Variants in DDX4 observed in about 807,000 individuals in gnomAD.
DDX4 encodes the protein probable ATP-dependent RNA helicase DDX4.
Under a neutral mutation model 100.0 loss-of-function variants are expected in DDX4, and 25 were observed. The ratio of observed to expected loss-of-function variants is 0.25; its 90% CI spans 0.18 to 0.35. The LOEUF is 0.35. Ranked by LOEUF, DDX4 falls within the 10% of genes least tolerant of loss-of-function variation. DDX4 has a pLI of 1.00. For missense variants in DDX4, 635 were observed against 882.4 expected (o/e 0.72, Z 3.55); for synonymous variants, 259 against 275.7 (o/e 0.94, Z 0.60).
chr5:55,741,327 A>T (rs1758970793), intron 2 of DDX4, among the ~76,000 whole-genome samples: 2 of 152,232 alleles, frequency 1.3e-5, no homozygotes, highest in Admixed American at 6.5e-5. Flanking sequence ...AGTCTACCTT[A>T]TGATGCTTAA....
intron 3 of DDX4, among the ~76,000 whole-genome samples, chr5:55,748,666 T>G (rs1407563399): frequency 6.6e-6 from 1 of 152,096 alleles, no homozygotes; most frequent in African/African-American, 2.4e-5. Context: ...ATTTTCTTAT[T>G]AGAGAAATAT....
intron 10 of DDX4, among the ~76,000 whole-genome samples, chr5:55,782,977 T>G (rs538845154): frequency 6.6e-6 from 1 of 151,988 alleles, no homozygotes; most frequent in South Asian, 2.1e-4. Flanking sequence ...GTATTTTTAG[T>G]AGAGATGGGG....
rs139761339 is a variant in DDX4, at chr5:55,748,444, T to C, written c.127+2223T>C. ...TATAGTATATTAACGCATAACACTG[T>C]TTTGTATTGGAATTTTCAAGAAACT... On this transcript the variant is annotated intron_variant, in intron 3 of 21. Coordinates refer to ENST00000505374, the MANE Select transcript of DDX4 (RefSeq NM_024415.3). 2.2e-3 allele frequency among the ~76,000 whole-genome samples: 330 copies of C among 152,222 alleles called. 1 individual carries two copies. The highest frequency in any genetic ancestry group is 6.0e-3 in the African/African-American group (249 of 41,544).
In DDX4 at chr5:55,792,774, T is replaced by C. The variant is rs1415419829; in HGVS notation, c.1436T>C (p.Met479Thr). The C allele has an allele frequency of 6.7e-7, 1 of 1,491,450 alleles. No homozygotes were observed. Among genetic ancestry groups the C allele is most frequent in the South Asian group, 1.6e-5 (1 of 63,660 alleles). The allele number at this position is 1,491,450 out of a possible 1,614,324, so 92.4% of individuals were successfully genotyped here. ...MPSKEQRQTL[M>T]FSATFPEEIQ... ...TCAAAGGAACAGCGCCAAACCCTTA[T>C]GTTCAGTGCAACTTTTCCAGAGGAA... is the stretch of plus-strand genomic sequence containing the variant. The change falls in exon 17 of 22, where the codon ATG becomes ACG. Residue 479 changes from methionine (M) to threonine (T), a missense_variant. Met to Thr is a moderately conservative substitution (Grantham distance 81, BLOSUM62 -1). Transcript: ENST00000505374.
intron 7 of DDX4, among the ~76,000 whole-genome samples, chr5:55,771,363 T>C (rs1741244151): frequency 6.6e-6 from 1 of 152,212 alleles, no homozygotes; most frequent in Non-Finnish European, 1.5e-5. Flanking sequence ...TAATTTCGTC[T>C]ATTTTTATAC....
At chr5:55,797,413 A>G (rs1465516449) in intron 17 of DDX4, among the ~76,000 whole-genome samples, 3 of 152,320 alleles carry the variant, frequency 2.0e-5, no homozygotes, top group Middle Eastern at 3.4e-3. Context: ...TAGTGAATGA[A>G]AAGGGTGATG....
At chr5:55,757,800 A>G (rs1405564981) in intron 3 of DDX4, among the ~76,000 whole-genome samples, 1 of 152,044 alleles carries the variant, frequency 6.6e-6, no homozygotes. Flanking sequence ...TCCCAGCACT[A>G]TGGGAGGCTG....
rs182747508 is a variant in DDX4 at position 55,790,425 on chromosome 5, C to T, written c.1173-151C>T. On this transcript the variant is annotated intron_variant, in intron 15 of 21. Transcript: ENST00000505374. ...CCTCCCAAAGTGCTGGGATTACAGG[C>T]GTGAGCCACTGCACCCAGCCAGAAT... is the stretch of plus-strand genomic sequence containing the variant. The T allele has an allele frequency of 8.0e-5, 48 of 597,988 alleles. No homozygotes were observed. The East Asian group carries it at 8.9e-4, about 11-fold the overall frequency. The allele number at this position is 597,988 out of a possible 1,614,324, so 37.0% of individuals were successfully genotyped here. A position where few individuals can be genotyped will look rare whatever the true frequency, so the allele number is the denominator to read the frequency against.
chr5:55,800,379 A>G (rs1447757074), intron 18 of DDX4, among the ~76,000 whole-genome samples: 2 of 149,780 alleles, frequency 1.3e-5, no homozygotes, highest in Non-Finnish European at 2.9e-5. Flanking sequence ...GCTGGAGTAC[A>G]GTGGCACAAT....
chr5:55,760,326 A>G, intron 4 of DDX4, 49 bp downstream of exon 4: 7 of 1,500,036 alleles, frequency 4.7e-6, no homozygotes, highest in Non-Finnish European at 5.3e-6. Flanking sequence ...GAATAATTGG[A>G]TATATAGAGG....
intron 18 of DDX4, among the ~76,000 whole-genome samples, chr5:55,807,461 C>T (rs1210527365): frequency 1.3e-4 from 20 of 152,190 alleles, no homozygotes; most frequent in Admixed American, 3.3e-4. Context: ...TGGCTGGTAC[C>T]GGTTATTCCT....
Position 55,738,112 on chromosome 5 carries a change from C to T in DDX4, c.-15+11C>T, listed in dbSNP as rs975043800. On this transcript the variant is annotated intron_variant, in intron 1 of 21. Coordinates refer to ENST00000505374, the MANE Select transcript of DDX4 (RefSeq NM_024415.3). ...GCAAGCCGCGGAGAGGTGAGTGGGC[C>T]GCTTTTCTACGGGAACTGGCCTGAA... The T allele has an allele frequency of 2.6e-5, 4 of 152,304 alleles. No individual in the cohort carries two copies. The highest frequency in any genetic ancestry group is 2.1e-4 in the South Asian group (1 of 4,830). The allele number at this position is 152,304 out of a possible 1,614,324, so 9.4% of individuals were successfully genotyped here. A position where few individuals can be genotyped will look rare whatever the true frequency, so the allele number is the denominator to read the frequency against.
At chr5:55,792,851 A>T (rs1742665748) in intron 17 of DDX4, 44 bp downstream of exon 17, 4 of 1,117,984 alleles carry the variant, frequency 3.6e-6, no homozygotes, top group Non-Finnish European at 4.6e-6. Context: ...ATATATATAC[A>T]TACTTTTATC....
chr5:55,787,774 A>C (rs1358427306), intron 14 of DDX4, 72 bp from the exon 15 acceptor site: 15 of 1,520,306 alleles, frequency 9.9e-6, no homozygotes, highest in Non-Finnish European at 1.3e-5. Context: ...CTATAAGGAC[A>C]TGAGGATTAG....
intron 17 of DDX4, among the ~76,000 whole-genome samples, chr5:55,796,833 T>TC (rs1742987807): frequency 2.0e-5 from 1 of 48,820 alleles, no homozygotes; most frequent in South Asian, 6.6e-4. Flanking sequence ...CTTTTTTTTT[T>TC]TTTTTTTTTT....
intron 2 of DDX4, among the ~76,000 whole-genome samples, chr5:55,742,902 G>A (rs1759057678): frequency 6.6e-6 from 1 of 152,154 alleles, no homozygotes; most frequent in Non-Finnish European, 1.5e-5. Flanking sequence ...GGTGGATTTA[G>A]TTGGAGAGGG....
chr5:55,747,147 C>G (rs1759287686), intron 3 of DDX4, among the ~76,000 whole-genome samples: 1 of 152,132 alleles, frequency 6.6e-6, no homozygotes, highest in Admixed American at 6.6e-5. Context: ...CTCTGGGAGG[C>G]TGAGGCAGGT....
At chr5:55,747,478 T>A (rs902105096) in intron 3 of DDX4, among the ~76,000 whole-genome samples, 3 of 152,184 alleles carry the variant, frequency 2.0e-5, no homozygotes, top group Admixed American at 1.3e-4. Context: ...GCCCAGGAGT[T>A]CAAGGCTACA....
intron 3 of DDX4, among the ~76,000 whole-genome samples, chr5:55,751,268 C>T (rs901876039): frequency 6.6e-6 from 1 of 152,158 alleles, no homozygotes; most frequent in Non-Finnish European, 1.5e-5. Flanking sequence ...GGGCCTTGCT[C>T]TGTTGTCCAG....
Sources: allele counts gnomAD v4.1 joint callset (sites outside exome capture counted in the v4.1 genomes callset), GRCh38; gene constraint gnomAD v4.1.1; transcripts MANE v1.5; gene names NCBI Gene and HGNC (gene_info 2026-07-23, HGNC 2026-07-21).